Variants in RNF220 observed in about 807,000 individuals in gnomAD.
RNF220 encodes ring finger protein 220, also known as E3 ubiquitin-protein ligase RNF220.
A neutral mutation model predicts 67.1 loss-of-function variants in RNF220; 7 were observed. The ratio of observed to expected loss-of-function variants is 0.10; its 90% CI spans 0.06 to 0.20. The LOEUF (loss-of-function observed/expected upper bound fraction) is 0.20, where lower values mean the gene tolerates loss of function less well. RNF220 is among the 10% of genes least tolerant of loss of function. The pLI, the probability that RNF220 is intolerant of heterozygous loss-of-function variation, is 1.00. For synonymous variants in RNF220, 270 were observed against 283.2 expected, an observed-to-expected ratio of 0.95 and a Z score of 0.47; for missense variants, 565 against 740.3, an observed-to-expected ratio of 0.76 and a Z score of 2.75.
chr1:44,569,994 T>C (rs1004092090), intron 2 of RNF220, among the ~76,000 whole-genome samples: 1 of 152,164 alleles, frequency 6.6e-6, no homozygotes, highest in Non-Finnish European at 1.5e-5. Flanking sequence ...GACCATCCTA[T>C]GAAGGCCCCT....
At chr1:44,589,334 G>C (rs1453358855) in intron 2 of RNF220, among the ~76,000 whole-genome samples, 1 of 152,124 alleles carries the variant, frequency 6.6e-6, no homozygotes, top group African/African-American at 2.4e-5. Flanking sequence ...CCACCTCCTG[G>C]CCGGGCGTGG....
intron 2 of RNF220, among the ~76,000 whole-genome samples, chr1:44,608,918 T>C (rs1667470324): frequency 6.6e-6 from 1 of 152,184 alleles, no homozygotes; most frequent in Non-Finnish European, 1.5e-5. Flanking sequence ...TGCTAGTGTG[T>C]TACTGGAGGC....
At position 44,482,677 on chromosome 1, in the gene RNF220, C is replaced by T. The variant is rs139905112; in HGVS notation, c.625+69955C>T. Among the ~76,000 whole-genome samples, 18 of 151,938 alleles carry T rather than the reference C, an allele frequency of 1.2e-4. No homozygotes were observed. In the East Asian group the frequency reaches 1.7e-3, roughly 15 times the overall value. On this transcript the variant is annotated intron_variant, in intron 2 of 14. Transcript: ENST00000361799. The stretch of plus-strand genomic sequence containing the variant: ...TGCTCTGTCACCCAGTCTGGAGTGC[C>T]GTGGCACAATCTCAGCTCACTGCAA...
At chr1:44,611,224 A>C (rs1420047441) in intron 2 of RNF220, among the ~76,000 whole-genome samples, 1 of 152,230 alleles carries the variant, frequency 6.6e-6, no homozygotes, top group Non-Finnish European at 1.5e-5. Flanking sequence ...GATCCCTGCC[A>C]ATGCTATTCC....
intron 3 of RNF220, among the ~76,000 whole-genome samples, chr1:44,618,976 A>G: frequency 6.6e-6 from 1 of 150,770 alleles, no homozygotes; most frequent in Non-Finnish European, 1.5e-5. Context: ...GAAGGAGGGG[A>G]TGTTGGGCAA....
intron 2 of RNF220, among the ~76,000 whole-genome samples, chr1:44,532,726 A>T (rs1346590220): frequency 6.6e-6 from 1 of 152,242 alleles, no homozygotes; most frequent in East Asian, 1.9e-4. Context: ...ATGCAGTGAT[A>T]GGAGCATTGC....
At chr1:44,537,068 A>T (rs1182795744) in intron 2 of RNF220, among the ~76,000 whole-genome samples, 2 of 141,914 alleles carry the variant, frequency 1.4e-5, no homozygotes, top group Admixed American at 7.7e-5. Flanking sequence ...GGGCTTTATT[A>T]TGCTCTTGTG....
chr1:44,614,273 A>T lies in RNF220; in HGVS notation c.734A>T (p.Glu245Val). The T allele has an allele frequency of 6.2e-7, 1 of 1,614,032 alleles. No individual in the cohort carries two copies. Among genetic ancestry groups the T allele is most frequent in the African/African-American group, 1.3e-5 (1 of 75,056 alleles). ...ELQEHMEQEL[E>V]QLAQLPSSKN... ...CAGGAGCATATGGAGCAGGAACTGG[A>T]GCAGCTAGCCCAACTGCCCTCGAGG... The change falls in exon 3 of 15, where the codon GAG becomes GTG. Residue 245 changes from glutamate (E) to valine (V), a missense_variant. Glu to Val is a moderately radical substitution (Grantham distance 121). Transcript: ENST00000361799.
intron 2 of RNF220, among the ~76,000 whole-genome samples, chr1:44,589,659 A>G (rs1003587536): frequency 6.6e-6 from 1 of 151,798 alleles, no homozygotes; most frequent in African/African-American, 2.4e-5. Context: ...AGGTGGAGTC[A>G]TAACAGTCTT....
Position 44,622,454 on chromosome 1 carries a change from C to A in RNF220, c.759-288C>A, listed in dbSNP as rs911842547. 6.6e-6 allele frequency among the ~76,000 whole-genome samples: 1 copy of A among 152,154 alleles called. No individual in the cohort carries two copies. Among genetic ancestry groups the A allele is most frequent in the Non-Finnish European group, 1.5e-5 (1 of 68,010 alleles). ...AATCTTCAGGGCTGATACGAGGAGT[C>A]AGGTAAAGCCCCTTTCTTCAGATCC... On this transcript the variant is annotated intron_variant, in intron 3 of 14. Transcript: ENST00000361799. The surrounding 1 kb of genome is among the most constrained non-coding windows in gnomAD (Gnocchi z 4.3).
intron 12 of RNF220, among the ~76,000 whole-genome samples, chr1:44,646,593 G>C (rs376985737): frequency 6.6e-6 from 1 of 152,204 alleles, no homozygotes; most frequent in Non-Finnish European, 1.5e-5. Context: ...ACCCACCCTC[G>C]TCTGGAGGGG....
At chr1:44,479,485 A>G (rs995780666) in intron 2 of RNF220, among the ~76,000 whole-genome samples, 1 of 152,100 alleles carries the variant, frequency 6.6e-6, no homozygotes, top group East Asian at 1.9e-4. Context: ...CACAATTTTT[A>G]CAAGACAGAA....
intron 2 of RNF220, among the ~76,000 whole-genome samples, chr1:44,534,038 C>T (rs541940201): frequency 2.0e-5 from 3 of 152,164 alleles, no homozygotes; most frequent in Non-Finnish European, 4.4e-5. Flanking sequence ...TGCAGTGGCA[C>T]AATCTCAACT....
At chr1:44,589,429 A>G (rs1050268191) in intron 2 of RNF220, among the ~76,000 whole-genome samples, 2 of 152,114 alleles carry the variant, frequency 1.3e-5, no homozygotes, top group African/African-American at 4.8e-5. Context: ...CCTGGCTAAC[A>G]TGGTGAAACC....
chr1:44,588,444 T>G (rs1249669621), intron 2 of RNF220, among the ~76,000 whole-genome samples: 1 of 152,238 alleles, frequency 6.6e-6, no homozygotes, highest in Admixed American at 6.5e-5. Context: ...GCCTGGTGGA[T>G]GTGGAGTAGC....
intron 2 of RNF220, among the ~76,000 whole-genome samples, chr1:44,413,127 T>G (rs1325373474): frequency 6.6e-6 from 1 of 152,146 alleles, no homozygotes; most frequent in Admixed American, 6.5e-5. Flanking sequence ...GTTTGTCTGA[T>G]CTCAGTGTTA....
At chr1:44,524,430 TC>T (rs1460472560) in intron 2 of RNF220, among the ~76,000 whole-genome samples, 1 of 151,958 alleles carries the variant, frequency 6.6e-6, no homozygotes, top group East Asian at 1.9e-4. Flanking sequence ...GCCAACCCCT[TC>T]CTCAACTCCC....
chr1:44,413,379 G>A (rs968461655), intron 2 of RNF220, among the ~76,000 whole-genome samples: 7 of 152,152 alleles, frequency 4.6e-5, no homozygotes, highest in Non-Finnish European at 8.8e-5. Flanking sequence ...GACTAGACAC[G>A]GTTGACCTGT....
In RNF220 at chr1:44,412,811, C is replaced by A; in HGVS notation, c.625+89C>A. On this transcript the variant is annotated intron_variant, in intron 2 of 14. Transcript: ENST00000361799. This position sits in a 1 kb window ranked among gnomAD's most constrained non-coding sequence, Gnocchi z 5.3. ...CAGGTCGGTGGCGTTTTGCATGCTCCTAGTAATAGGAAGGGCCAACTACTT... is the reference window on the plus strand; with the variant it reads ...CAGGTCGGTGGCGTTTTGCATGCTCATAGTAATAGGAAGGGCCAACTACTT... 6.9e-7 allele frequency: 1 copy of A among 1,459,070 alleles called. No homozygotes were observed. Among genetic ancestry groups the A allele is most frequent in the South Asian group, 1.3e-5 (1 of 75,088 alleles). The allele number at this position is 1,459,070 out of a possible 1,614,324, so 90.4% of individuals were successfully genotyped here.
Sources: allele counts gnomAD v4.1 joint callset (sites outside exome capture counted in the v4.1 genomes callset), GRCh38; gene constraint gnomAD v4.1.1; non-coding constraint Gnocchi (gnomAD v3.1); transcripts MANE v1.5; gene names NCBI Gene and HGNC (gene_info 2026-07-23, HGNC 2026-07-21).